PCDHA4: variants seen among roughly 807,000 people sequenced by gnomAD.
PCDHA4 encodes the protein protocadherin alpha 4, also known as protocadherin alpha-4.
In PCDHA4, 49 loss-of-function variants were observed where a neutral mutation model predicts 61.4. The ratio of observed to expected loss-of-function variants is 0.80; its 90% confidence interval spans 0.63 to 1.01. PCDHA4 has a LOEUF of 1.01. Ranked by LOEUF, PCDHA4 falls within the 50% of genes least tolerant of loss-of-function variation. The pLI, the probability that PCDHA4 is intolerant of heterozygous loss-of-function variation, is 0.00. For missense variants in PCDHA4, 1,254 were observed against 1,235.8 expected (o/e 1.01, Z -0.22); for synonymous variants, 590 against 550.3 (o/e 1.07, Z -1.01).
intron 1 of PCDHA4, chr5:140,828,237 C>A (rs2150152822): frequency 1.2e-6 from 2 of 1,613,956 alleles, no homozygotes; most frequent in Admixed American, 3.3e-5. Context: ...GGCCGGATCG[C>A]GCAGGACCTG....
Position 140,809,326 on chromosome 5 carries a change from C to A in PCDHA4, c.2139C>A (p.Leu713=). 2 of 1,614,112 alleles carry A rather than the reference C, an allele frequency of 1.2e-6. No homozygotes were observed. Among genetic ancestry groups the A allele is most frequent in the Non-Finnish European group, 1.7e-6 (2 of 1,179,942 alleles). ...GCGCGGTGTCCAGCCTTTTGGTGCT[C>A]ACGCTGCTGCTGTACACCGCGCTGC... The part of the protein sequence containing the change: ...AICAVSSLLV[L]TLLLYTALRC... Residue 713 remains leucine, a synonymous_variant, in exon 1 of 4, where the codon CTC becomes CTA. Coordinates refer to ENST00000530339, the MANE Select transcript of PCDHA4 (RefSeq NM_018907.4).
chr5:140,994,608 G>A (rs1231327885), intron 3 of PCDHA4, among the ~76,000 whole-genome samples: 1 of 152,098 alleles, frequency 6.6e-6, no homozygotes, highest in African/African-American at 2.4e-5. Context: ...GGGAGGCTGA[G>A]GCACGAGAGT....
At chr5:140,995,393 G>T (rs1267179638) in intron 3 of PCDHA4, among the ~76,000 whole-genome samples, 5 of 152,184 alleles carry the variant, frequency 3.3e-5, no homozygotes, top group Non-Finnish European at 7.3e-5. Flanking sequence ...GATAAAGCGG[G>T]ATGGCTCGAG....
chr5:140,898,056 T>A (rs1330796298), intron 1 of PCDHA4, among the ~76,000 whole-genome samples: 5 of 152,202 alleles, frequency 3.3e-5, no homozygotes, highest in Admixed American at 3.3e-4. Context: ...TTCTTGTAAA[T>A]TTGTTTGAGT....
intron 1 of PCDHA4, among the ~76,000 whole-genome samples, chr5:140,821,387 T>G (rs1380129357): frequency 1.3e-5 from 2 of 152,218 alleles, no homozygotes; most frequent in African/African-American, 4.8e-5. Context: ...ATGACGCACT[T>G]ATATTGACGC....
At position 141,009,688 on chromosome 5, in the gene PCDHA4, C is replaced by A. The variant is rs2098413722; in HGVS notation, c.2595C>A (p.Thr865=). 1 of 1,613,960 alleles carries A rather than the reference C, an allele frequency of 6.2e-7. No individual in the cohort carries two copies. Among genetic ancestry groups the A allele is most frequent in the Admixed American group, 1.7e-5 (1 of 59,994 alleles). ...CGGGTGTCAACAGCAACAGCTGGAC[C>A]TTTAAATACGGACCAGGCAACCCCA... ...VGAGVNSNSW[T]FKYGPGNPKQ... is the part of the protein sequence containing the mutation. Residue 865 remains threonine, a synonymous_variant, in exon 4 of 4, where the codon ACC becomes ACA. Transcript: ENST00000530339.
chr5:140,882,932 C>G (rs946510478), intron 1 of PCDHA4: 1 of 1,614,196 alleles, frequency 6.2e-7, no homozygotes, highest in Admixed American at 1.7e-5. Flanking sequence ...TAAACCCGAG[C>G]TGACTGGCAC....
chr5:140,829,679 C>A (rs2150172389), intron 1 of PCDHA4: 1 of 1,613,198 alleles, frequency 6.2e-7, no homozygotes, highest in African/African-American at 1.3e-5. Context: ...GGAGCTAGAG[C>A]TGCTGCAGTT....
At position 140,817,863 on chromosome 5, in the gene PCDHA4, G is replaced by A. The variant is rs934144894; in HGVS notation, c.2385+8291G>A. 3.9e-5 allele frequency among the ~76,000 whole-genome samples: 6 copies of A among 152,130 alleles called. No individual in the cohort carries two copies. In the South Asian group the frequency reaches 6.2e-4, roughly 16 times the overall value. On this transcript the variant is annotated intron_variant, in intron 1 of 3. Transcript: ENST00000530339. ...TATCACTTTTGAGAAACAGTTTTGG[G>A]TATTGAATGAAAGTTATTTTTGCCA...
chr5:140,864,321 C>T (rs1040853151), intron 1 of PCDHA4: 1 of 152,126 alleles, frequency 6.6e-6, no homozygotes, highest in African/African-American at 2.4e-5. Flanking sequence ...TATTTAATAT[C>T]ATAATTATTT....
intron 1 of PCDHA4, among the ~76,000 whole-genome samples, chr5:140,887,774 C>G (rs2061572628): frequency 6.6e-6 from 1 of 152,168 alleles, no homozygotes; most frequent in Non-Finnish European, 1.5e-5. Context: ...TACAATGACA[C>G]AGGTCATTGA....
chr5:140,969,066 G>A (rs2096292938), intron 1 of PCDHA4: 2 of 1,614,144 alleles, frequency 1.2e-6, no homozygotes, highest in Admixed American at 3.3e-5. Context: ...ATTGATGCCA[G>A]GATACCGCAT....
intron 1 of PCDHA4, chr5:140,827,987 AT>A (rs1769477096): frequency 3.4e-6 from 5 of 1,461,712 alleles, no homozygotes; most frequent in Non-Finnish European, 4.6e-6. Context: ...TGACTGTTGA[AT>A]GATGGCGGAC....
At chr5:140,967,876 G>C (rs369514758) in intron 1 of PCDHA4, 1 of 1,614,144 alleles carries the variant, frequency 6.2e-7, no homozygotes, top group Non-Finnish European at 8.5e-7. Flanking sequence ...TCACGGACCT[G>C]TATAGCCCAG....
At chr5:140,996,831 T>C (rs1196344709) in intron 3 of PCDHA4, among the ~76,000 whole-genome samples, 1 of 152,204 alleles carries the variant, frequency 6.6e-6, no homozygotes, top group Non-Finnish European at 1.5e-5. Flanking sequence ...CTACCAATAA[T>C]TTAGCGTGCA....
chr5:140,957,468 T>C (rs1318789577), intron 1 of PCDHA4, among the ~76,000 whole-genome samples: 2 of 152,166 alleles, frequency 1.3e-5, no homozygotes, highest in African/African-American at 4.8e-5. Context: ...GGTATGTATG[T>C]ATAGGAAAAA....
chr5:140,935,566 T>A (rs2090441028), intron 1 of PCDHA4, among the ~76,000 whole-genome samples: 1 of 152,246 alleles, frequency 6.6e-6, no homozygotes, highest in Non-Finnish European at 1.5e-5. Context: ...AAAGTTCCTC[T>A]CTGTGTAGTT....
At position 140,808,709 on chromosome 5, in the gene PCDHA4, G is replaced by T; in HGVS notation, c.1522G>T (p.Val508Phe). Residue 508 changes from valine (V) to phenylalanine (F), a missense_variant, in exon 1 of 4, where the codon GTT (valine) becomes TTT (phenylalanine). By Grantham distance (50) the Val-to-Phe change is conservative (BLOSUM62 -1). Coordinates refer to ENST00000530339, the MANE Select transcript of PCDHA4 (RefSeq NM_018907.4). ...RVGERALSSY[V>F]SVHAESGKVY... is the part of the protein sequence containing the mutation. ...AGGGGAGCGCGCGCTGTCGAGCTAC[G>T]TTTCGGTGCATGCGGAGAGCGGCAA... is the stretch of plus-strand genomic sequence containing the variant. 6.2e-7 allele frequency: 1 copy of T among 1,612,236 alleles called. No homozygotes were observed. The highest frequency in any genetic ancestry group is 8.5e-7 in the Non-Finnish European group (1 of 1,179,816).
chr5:140,831,690 G>A (rs191076937), intron 1 of PCDHA4, among the ~76,000 whole-genome samples: 1 of 152,120 alleles, frequency 6.6e-6, no homozygotes, highest in Non-Finnish European at 1.5e-5. Context: ...ATGAAAAGCA[G>A]CAAAAAGTAG....
Sources: gnomAD v4.1 joint callset for allele counts (sites outside exome capture counted in the v4.1 genomes callset) on GRCh38, gnomAD v4.1.1 for gene constraint, MANE v1.5 for transcripts, NCBI Gene and HGNC (gene_info 2026-07-23, HGNC 2026-07-21) for gene names.